The following FAM184B variants were observed in gnomAD, a reference collection of about 807,000 sequenced individuals.
The protein encoded by FAM184B is family with sequence similarity 184 member B.
FAM184B carries 111 observed loss-of-function variants against 135.9 expected under a neutral mutation model. That is an observed-to-expected ratio of 0.82 (90% CI 0.70 to 0.96). The LOEUF is 0.96. Among genes scored for constraint, FAM184B ranks in the 40% least tolerant of loss-of-function variants. The pLI is 0.00. For missense variants in FAM184B, 1,375 were observed against 1,323.9 expected, an observed-to-expected ratio of 1.04 and a Z score of -0.60; for synonymous variants, 552 against 524.8, an observed-to-expected ratio of 1.05 and a Z score of -0.71.
chr4:17,767,999 G>C (rs1010236454), intron 1 of FAM184B, among the ~76,000 whole-genome samples: 1 of 152,068 alleles, frequency 6.6e-6, no homozygotes, highest in Admixed American at 6.6e-5. Context: ...TAACACAAAG[G>C]CTACTCTAGA....
chr4:17,641,105 T>C (rs1242684228), intron 13 of FAM184B, among the ~76,000 whole-genome samples: 3 of 152,136 alleles, frequency 2.0e-5, no homozygotes, highest in African/African-American at 7.2e-5. Flanking sequence ...GGCCAATTTT[T>C]CTATTTTTAG....
rs368263511 is a variant in FAM184B, at chr4:17,633,807, C to A, written c.2971G>T (p.Asp991Tyr). Residue 991 changes from aspartate to tyrosine, a missense_variant, in exon 17 of 18, where the codon GAT becomes TAT. Asp to Tyr is a radical substitution (Grantham distance 160). Transcript: ENST00000265018. ...GGGGCATTAATCCTGGAACTCAGAT[C>A]GCCACTCAGAAAGTTCTTTGCATAG... ...ASYAKNFLSG[D>Y]LSSRINAPPI... 43 of 1,551,452 alleles carry A rather than the reference C, an allele frequency of 2.8e-5. No homozygotes were observed. Among genetic ancestry groups the A allele is most frequent in the Non-Finnish European group, 3.7e-5 (42 of 1,146,976 alleles).
chr4:17,694,369 A>G (rs1244185313), intron 5 of FAM184B, among the ~76,000 whole-genome samples: 4 of 152,100 alleles, frequency 2.6e-5, no homozygotes, highest in African/African-American at 7.2e-5. Flanking sequence ...TAAAAATACA[A>G]AAAACTAGCC....
chr4:17,728,544 CG>C (rs1254397121), intron 1 of FAM184B, among the ~76,000 whole-genome samples: 3 of 152,100 alleles, frequency 2.0e-5, no homozygotes, highest in Non-Finnish European at 4.4e-5. Flanking sequence ...CTCCGTCTCT[CG>C]GGGCAGTCAG....
intron 12 of FAM184B, among the ~76,000 whole-genome samples, chr4:17,646,019 C>T (rs1321131884): frequency 6.6e-6 from 1 of 152,052 alleles, no homozygotes; most frequent in Non-Finnish European, 1.5e-5. Context: ...CAAATCAAAA[C>T]CACAATGAGA....
At chr4:17,655,623 A>G (rs774689996) in intron 10 of FAM184B, among the ~76,000 whole-genome samples, 2 of 152,074 alleles carry the variant, frequency 1.3e-5, no homozygotes, top group Non-Finnish European at 1.5e-5. Flanking sequence ...CAACTCCCTC[A>G]TGGCTTCCAC....
At chr4:17,680,235 G>T (rs1292234792) in intron 7 of FAM184B, among the ~76,000 whole-genome samples, 1 of 152,088 alleles carries the variant, frequency 6.6e-6, no homozygotes, top group Non-Finnish European at 1.5e-5. Flanking sequence ...TATAGTTTTT[G>T]ATGTCATTAA....
chr4:17,760,161 C>G (rs192423807), intron 1 of FAM184B, among the ~76,000 whole-genome samples: 17 of 152,132 alleles, frequency 1.1e-4, no homozygotes, highest in African/African-American at 4.1e-4. Context: ...ATTCATCAAT[C>G]TTGTAGATTA....
At chr4:17,695,356 G>A (rs1206298261) in intron 5 of FAM184B, among the ~76,000 whole-genome samples, 1 of 151,866 alleles carries the variant, frequency 6.6e-6, no homozygotes, top group African/African-American at 2.4e-5. Context: ...TTTAGAGATG[G>A]GGTCTTGCTA....
At chr4:17,708,816 T>G (rs1465488027) in intron 2 of FAM184B, 76 bp downstream of exon 2, 1 of 1,433,576 alleles carries the variant, frequency 7.0e-7, no homozygotes, top group Non-Finnish European at 9.2e-7. Flanking sequence ...GCACAGTGCC[T>G]GATCTATAGC....
chr4:17,756,107 G>A (rs539054645), intron 1 of FAM184B, among the ~76,000 whole-genome samples: 28 of 152,274 alleles, frequency 1.8e-4, no homozygotes, highest in Admixed American at 5.2e-4. Flanking sequence ...TAGCAGCAAT[G>A]AACACCTTCA....
chr4:17,739,139 A>G (rs1461409565), intron 1 of FAM184B, among the ~76,000 whole-genome samples: 2 of 152,264 alleles, frequency 1.3e-5, no homozygotes, highest in Non-Finnish European at 2.9e-5. Flanking sequence ...ACTTTCCTGC[A>G]TAGAATTAGG....
intron 1 of FAM184B, among the ~76,000 whole-genome samples, chr4:17,728,179 G>A (rs1162255223): frequency 6.6e-6 from 1 of 152,160 alleles, no homozygotes; most frequent in Admixed American, 6.5e-5. Flanking sequence ...GACGAAGGTA[G>A]TGATGATGAG....
intron 1 of FAM184B, among the ~76,000 whole-genome samples, chr4:17,732,670 T>G (rs540465910): frequency 3.2e-4 from 49 of 152,056 alleles, no homozygotes; most frequent in African/African-American, 1.1e-3. Flanking sequence ...CCAATAACAG[T>G]CTCTGAAATT....
chr4:17,676,781 C>T (rs1297493089), intron 7 of FAM184B, among the ~76,000 whole-genome samples: 2 of 145,496 alleles, frequency 1.4e-5, no homozygotes, highest in African/African-American at 5.1e-5. Flanking sequence ...TAAATATTTA[C>T]CCTTGTGTTA....
intron 1 of FAM184B, among the ~76,000 whole-genome samples, chr4:17,740,457 T>G (rs944700073): frequency 1.3e-5 from 2 of 151,658 alleles, no homozygotes; most frequent in East Asian, 3.9e-4. Context: ...TGCATACATA[T>G]AGCAAACATA....
At chr4:17,670,495 G>A (rs1384637215) in intron 7 of FAM184B, among the ~76,000 whole-genome samples, 1 of 152,150 alleles carries the variant, frequency 6.6e-6, no homozygotes, top group East Asian at 1.9e-4. Context: ...CTGTGAAAGG[G>A]AATCTGCAGG....
rs142371627 is a variant in FAM184B at position 17,724,555 on chromosome 4, G to A, written c.142-14911C>T. The stretch of plus-strand genomic sequence containing the variant: ...GCAGCCCAATTACAGTAAATGTGTT[G>A]TCTCTTCCACCAAGAAACTTGGTTC... On this transcript the variant is annotated intron_variant, in intron 1 of 17. Coordinates refer to ENST00000265018, the MANE Select transcript of FAM184B (RefSeq NM_015688.2). Among the ~76,000 whole-genome samples, 329 of 152,276 alleles carry A rather than the reference G, an allele frequency of 2.2e-3. 2 individuals carry two copies. Among genetic ancestry groups the A allele is most frequent in the African/African-American group, 7.6e-3 (314 of 41,566 alleles).
chr4:17,757,665 A>T (rs1476532169), intron 1 of FAM184B, among the ~76,000 whole-genome samples: 1 of 152,120 alleles, frequency 6.6e-6, no homozygotes, highest in Non-Finnish European at 1.5e-5. Context: ...ATGTGTTGGT[A>T]ATTTTTGAGG....
Sources: allele counts gnomAD v4.1 joint callset (sites outside exome capture counted in the v4.1 genomes callset), GRCh38; gene constraint gnomAD v4.1.1; transcripts MANE v1.5; gene names NCBI Gene and HGNC (gene_info 2026-07-23, HGNC 2026-07-21).